The following SASH1 variants were observed in gnomAD, a reference collection of about 807,000 sequenced individuals.
SASH1 encodes the protein SAM and SH3 domain containing 1, also known as SAM and SH3 domain-containing protein 1.
A neutral mutation model predicts 125.2 loss-of-function variants in SASH1; 44 were observed. That is an observed-to-expected ratio of 0.35 (90% CI 0.28 to 0.45). The LOEUF (loss-of-function observed/expected upper bound fraction) is 0.45. Ranked by LOEUF, SASH1 falls within the 20% of genes least tolerant of loss-of-function variation. The pLI, the probability that SASH1 is intolerant of heterozygous loss-of-function variation, is 1.00. For missense variants in SASH1, 1,426 were observed against 1,614.5 expected (o/e 0.88, Z 2.00); for synonymous variants, 639 against 649.1 (o/e 0.98, Z 0.24).
intron 1 of SASH1, among the ~76,000 whole-genome samples, chr6:148,305,273 A>G (rs535249743): frequency 2.6e-5 from 4 of 152,256 alleles, no homozygotes; most frequent in African/African-American, 9.6e-5. Context: ...TGAGTTTACA[A>G]TCAGAAGCTC....
intron 1 of SASH1, among the ~76,000 whole-genome samples, chr6:148,326,344 A>G (rs1377711381): frequency 3.5e-5 from 3 of 85,086 alleles, no homozygotes; most frequent in Admixed American, 3.0e-4. Context: ...ATATATATAT[A>G]TATATATATA....
chr6:148,438,129 A>G, intron 2 of SASH1, among the ~76,000 whole-genome samples: 1 of 152,192 alleles, frequency 6.6e-6, no homozygotes. Context: ...ATTGGGTGTT[A>G]AAGGAGCAAT....
At chr6:148,219,149 C>T in the SASH1 span, among the ~76,000 whole-genome samples, 1,132 of 152,286 alleles carry the variant, frequency 7.4e-3, 9 homozygotes, top group African/African-American at 0.026. Context: ...AGGAATCAAA[C>T]AGCCTGGCCA....
At chr6:148,491,995 C>T (rs1406235519) in intron 8 of SASH1, among the ~76,000 whole-genome samples, 6 of 152,148 alleles carry the variant, frequency 3.9e-5, no homozygotes, top group African/African-American at 1.4e-4. Flanking sequence ...GAAATAAATA[C>T]AGTAACTCAG....
upstream of SASH1, among the ~76,000 whole-genome samples, chr6:148,267,365 T>TGTGTGTGTGTGTGTGTGTGTGTGTGTGTG (rs1778971560): frequency 7.7e-6 from 1 of 130,014 alleles, no homozygotes; most frequent in Non-Finnish European, 1.6e-5. Flanking sequence ...CAGTACTACT[T>TGTGTGTGTGTGTGTGTGTGTGTGTGTGTG]TGTGTGTGTG....
At chr6:148,345,631 C>T (rs1052898268) in intron 1 of SASH1, among the ~76,000 whole-genome samples, 2 of 152,222 alleles carry the variant, frequency 1.3e-5, no homozygotes, top group African/African-American at 2.4e-5. Context: ...TTTATACAAA[C>T]TGAGTCTTCG....
intron 4 of SASH1, 83 bp from the exon 5 acceptor site, chr6:148,468,462 C>A: frequency 9.7e-7 from 1 of 1,027,436 alleles, no homozygotes; most frequent in Non-Finnish European, 1.5e-6. Flanking sequence ...AGTATTGATG[C>A]TGGGTCAAAC....
chr6:148,349,475 G>T (rs890051809), intron 1 of SASH1, among the ~76,000 whole-genome samples: 1 of 151,874 alleles, frequency 6.6e-6, no homozygotes, highest in African/African-American at 2.4e-5. Context: ...TATTGTCCAG[G>T]CTGGTCTTGA....
In SASH1 at chr6:148,304,325, C is replaced by G. The variant is rs569132588; in HGVS notation, n.74+31948C>G. 5.3e-5 allele frequency among the ~76,000 whole-genome samples: 8 copies of G among 152,068 alleles called. No homozygotes were observed. In the East Asian group the frequency reaches 1.4e-3, roughly 26 times the overall value. ...TGGTGGGCACCTGTAGTCCCAGCTACTCAGGAGGCTGAGGCAGGAGAATGG... is the reference window on the plus strand; with the variant it reads ...TGGTGGGCACCTGTAGTCCCAGCTAGTCAGGAGGCTGAGGCAGGAGAATGG... On this transcript the variant is annotated intron_variant and non_coding_transcript_variant, in intron 1 of 3. Transcript: ENST00000367469.
chr6:148,519,426 G>A lies in SASH1; in HGVS notation c.863-121G>A. 1.5e-6 allele frequency: 1 copy of A among 681,982 alleles called. No individual in the cohort carries two copies. Among genetic ancestry groups the A allele is most frequent in the Non-Finnish European group, 2.5e-6 (1 of 392,664 alleles). 42.2% of individuals were successfully genotyped at this position (681,982 alleles called of 1,614,324 possible). On this transcript the variant is annotated intron_variant, in intron 9 of 19. Transcript: ENST00000367467. This position sits in a 1 kb window ranked among gnomAD's most constrained non-coding sequence, Gnocchi z 4.8. Reference sequence around the variant, plus strand: ...TGTATTTTCATTTTTCTGTACATATGTAAGTGGGAGCTGGGTTTATAAAGA... The same window carrying A: ...TGTATTTTCATTTTTCTGTACATATATAAGTGGGAGCTGGGTTTATAAAGA...
At chr6:148,314,371 G>A (rs1339052780) in intron 1 of SASH1, among the ~76,000 whole-genome samples, 1 of 152,118 alleles carries the variant, frequency 6.6e-6, no homozygotes, top group Non-Finnish European at 1.5e-5. Flanking sequence ...ATTGAGAAAT[G>A]GCCCTTTAAA....
At chr6:148,547,945 C>G (rs898720973) in intron 19 of SASH1, among the ~76,000 whole-genome samples, 6 of 152,214 alleles carry the variant, frequency 3.9e-5, no homozygotes, top group African/African-American at 1.4e-4. Flanking sequence ...CACGATCACC[C>G]AGATTTGTCC....
chr6:148,478,945 TGCATATGAGAAGTATGG>T (rs1264875566), intron 7 of SASH1: 2 of 167,168 alleles, frequency 1.2e-5, no homozygotes, highest in East Asian at 1.7e-4. Flanking sequence ...TTCTAGAAAG[TGCATATGAGAAGTATGG>T]GCATATGAGA....
intron 4 of SASH1, among the ~76,000 whole-genome samples, chr6:148,466,529 G>A (rs1216081275): frequency 6.6e-6 from 1 of 152,142 alleles, no homozygotes; most frequent in Non-Finnish European, 1.5e-5. Context: ...CAAAAGGTAG[G>A]CAGAAAATCA....
chr6:148,278,077 C>G (rs1779235983), intron 1 of SASH1, among the ~76,000 whole-genome samples: 1 of 150,230 alleles, frequency 6.7e-6, no homozygotes, highest in Non-Finnish European at 1.5e-5. Flanking sequence ...GTCTCGCTCT[C>G]TCACCCAGGC....
intron 1 of SASH1, among the ~76,000 whole-genome samples, chr6:148,366,244 A>G (rs1036741120): frequency 6.6e-6 from 1 of 152,138 alleles, no homozygotes; most frequent in African/African-American, 2.4e-5. Context: ...TGTTCGCGCC[A>G]CTGCAGTCCA....
Position 148,421,783 on chromosome 6 carries a change from A to G in SASH1, c.286-18401A>G, listed in dbSNP as rs1273211704. On this transcript the variant is annotated intron_variant, in intron 2 of 19. Transcript: ENST00000367467. Reference sequence around the variant, plus strand: ...GGGAGAAAAAGTTACCAGTTTGGAAAGTAATCTTATTGTGCTTTTAAACTA... The same window carrying G: ...GGGAGAAAAAGTTACCAGTTTGGAAGGTAATCTTATTGTGCTTTTAAACTA... Among the ~76,000 whole-genome samples, 4 of 152,242 alleles carry G rather than the reference A, an allele frequency of 2.6e-5. No homozygotes were observed. The East Asian group carries it at 7.7e-4, about 29-fold the overall frequency.
chr6:148,286,463 C>G (rs1779486036), intron 1 of SASH1, among the ~76,000 whole-genome samples: 1 of 151,692 alleles, frequency 6.6e-6, no homozygotes, highest in South Asian at 2.1e-4. Flanking sequence ...GAATCACAAA[C>G]TGGGGTGGTG....
At chr6:148,204,627 G>T in the SASH1 span, among the ~76,000 whole-genome samples, 2 of 152,142 alleles carry the variant, frequency 1.3e-5, no homozygotes, top group Non-Finnish European at 2.9e-5. Flanking sequence ...AGGAGGTGGA[G>T]GTTGCAGTGA....
Sources: gnomAD v4.1 joint callset for allele counts (sites outside exome capture counted in the v4.1 genomes callset) on GRCh38, gnomAD v4.1.1 for gene constraint, Gnocchi (gnomAD v3.1) non-coding constraint, MANE v1.5 for transcripts, NCBI Gene and HGNC (gene_info 2026-07-23, HGNC 2026-07-21) for gene names.